Variants in ATAT1 observed in about 807,000 individuals in gnomAD.
The protein encoded by ATAT1 is alpha tubulin acetyltransferase 1.
Under a neutral mutation model 57.2 loss-of-function variants are expected in ATAT1, and 42 were observed. That is an observed-to-expected ratio of 0.73 (90% CI 0.57 to 0.95). ATAT1 has a LOEUF of 0.95. ATAT1 is among the 40% of genes least tolerant of loss of function. The probability of loss-of-function intolerance (pLI) is 0.00; values close to 1 mark genes in which losing one functional copy is unlikely to be tolerated. For synonymous variants in ATAT1, 168 were observed against 187.1 expected (o/e 0.90, Z 0.83); for missense variants, 454 against 523.7 (o/e 0.87, Z 1.30).
rs141961698 is a variant in ATAT1, at chr6:30,640,596, G to A, written c.609G>A (p.Thr203=). ...CTCGTGCTGCTGCAGTCGATCCCACGCCCGCTGGTAAAGCCTGTATTGAAG... is the reference window on the plus strand; with the variant it reads ...CTCGTGCTGCTGCAGTCGATCCCACACCCGCTGGTAAAGCCTGTATTGAAG... The change falls in exon 8 of 13, where the codon ACG becomes ACA. Residue 203 remains threonine (T), a synonymous_variant. Transcript: ENST00000330083. 4.3e-6 allele frequency: 7 copies of A among 1,612,684 alleles called. No individual in the cohort carries two copies. The highest frequency in any genetic ancestry group is 2.2e-5 in the East Asian group (1 of 44,884).
chr6:30,640,355 T>C (rs1765146706), intron 6 of ATAT1, 22 bp from the exon 7 acceptor site: 2 of 1,612,408 alleles, frequency 1.2e-6, no homozygotes, highest in Non-Finnish European at 1.7e-6. Flanking sequence ...CATGATTGTA[T>C]TTTGTTTGTT....
At chr6:30,638,745 G>C (rs1245441601) in intron 6 of ATAT1, among the ~76,000 whole-genome samples, 1 of 152,134 alleles carries the variant, frequency 6.6e-6, no homozygotes, top group Non-Finnish European at 1.5e-5. Context: ...TTGAGGCCCA[G>C]CCCTGCCACT....
At chr6:30,634,371 C>G (rs1193912058) in intron 6 of ATAT1, among the ~76,000 whole-genome samples, 1 of 151,896 alleles carries the variant, frequency 6.6e-6, no homozygotes, top group Non-Finnish European at 1.5e-5. Context: ...CTGCCTCAGC[C>G]TCCTGAGTAG....
chr6:30,643,703 T>C (rs1410584887), intron 10 of ATAT1: 5 of 1,469,224 alleles, frequency 3.4e-6, no homozygotes, highest in Non-Finnish European at 4.5e-6. Flanking sequence ...TCTACTTTCT[T>C]AGACAGCAGG....
Position 30,640,582 on chromosome 6 carries a change from G to A in ATAT1, c.595G>A (p.Ala199Thr), listed in dbSNP as rs1461387843. Residue 199 changes from alanine (A) to threonine (T), a missense_variant, in exon 8 of 13, where the codon GCA becomes ACA. Physicochemically the swap from Ala to Thr is moderately conservative, Grantham distance 58. Coordinates refer to ENST00000330083, the MANE Select transcript of ATAT1 (RefSeq NM_001031722.4). ...GGCAACTCGACACTCTCGTGCTGCT[G>A]CAGTCGATCCCACGCCCGCTGGTAA... is the stretch of plus-strand genomic sequence containing the variant. The A allele has an allele frequency of 3.7e-6, 6 of 1,612,838 alleles. No individual in the cohort carries two copies. The African/African-American group carries it at 6.7e-5, about 18-fold the overall frequency.
At chr6:30,645,600 T>A (rs1266038996) in intron 10 of ATAT1, among the ~76,000 whole-genome samples, 1 of 152,138 alleles carries the variant, frequency 6.6e-6, no homozygotes, top group African/African-American at 2.4e-5. Flanking sequence ...TGACCACATG[T>A]GAGTCTGTTC....
intron 5 of ATAT1, 51 bp downstream of exon 5, chr6:30,628,196 T>C: frequency 6.4e-7 from 1 of 1,560,780 alleles, no homozygotes; most frequent in Non-Finnish European, 8.8e-7. Flanking sequence ...TCCTTTGCCC[T>C]GAGCCCTTCC....
chr6:30,627,201 A>T lies in ATAT1; in HGVS notation c.-3A>T. 1 of 1,614,016 alleles carries T rather than the reference A, an allele frequency of 6.2e-7. No homozygotes were observed. ...CCCGGGCCCAAAATGTCCCAATCAA[A>T]GGATGTGGTTGACCTGGCCTTTCTG... On this transcript the variant is annotated 5_prime_UTR_variant, in exon 1 of 13. Transcript: ENST00000330083.
intron 6 of ATAT1, among the ~76,000 whole-genome samples, chr6:30,637,169 T>C (rs1764277587): frequency 6.6e-6 from 1 of 152,158 alleles, no homozygotes; most frequent in Non-Finnish European, 1.5e-5. Flanking sequence ...GTATAGAGTG[T>C]AAATAATAAT....
rs745999004 is a variant in ATAT1 at position 30,627,885 on chromosome 6, G to A, written c.259G>A (p.Val87Ile). Residue 87 changes from valine to isoleucine, a missense_variant, in exon 4 of 13, where the codon GTT becomes ATT. By Grantham distance (29) the Val-to-Ile change is conservative. This residue lies in a region of ATAT1 where 236 missense variants were observed against 284.5 expected (regional missense o/e 0.83). Coordinates refer to ENST00000330083, the MANE Select transcript of ATAT1 (RefSeq NM_001031722.4). ...AGGAGCCATTATTGGTTTCATCAAA[G>A]TTGGATACAAGAAGCTCTTTGTACT... 1.2e-6 allele frequency: 2 copies of A among 1,613,058 alleles called. No homozygotes were observed. Among genetic ancestry groups the A allele is most frequent in the East Asian group, 2.2e-5 (1 of 44,886 alleles).
At chr6:30,640,464 G>A (rs1231844788) in intron 7 of ATAT1, 42 bp downstream of exon 7, 1 of 1,612,708 alleles carries the variant, frequency 6.2e-7, no homozygotes, top group South Asian at 1.1e-5. Context: ...CGGGGTGAGG[G>A]AAAGGAAAGA....
chr6:30,634,614 T>C (rs1763622794), intron 6 of ATAT1, among the ~76,000 whole-genome samples: 1 of 148,456 alleles, frequency 6.7e-6, no homozygotes, highest in Non-Finnish European at 1.5e-5. Context: ...TCTGTCTTAC[T>C]TCTGACTTTA....
intron 9 of ATAT1, 115 bp downstream of exon 9, chr6:30,642,362 G>A: frequency 6.9e-7 from 1 of 1,449,578 alleles, no homozygotes; most frequent in Non-Finnish European, 9.5e-7. Context: ...GATTTCTTGG[G>A]CTGGGCATGG....
chr6:30,627,804 T>TG, intron 3 of ATAT1, 47 bp from the exon 4 acceptor site: 1 of 1,604,686 alleles, frequency 6.2e-7, no homozygotes, highest in Non-Finnish European at 8.5e-7. Context: ...GACTATCTCT[T>TG]GCAGATAGAT....
At chr6:30,627,554 G>T in intron 2 of ATAT1, 34 bp downstream of exon 2, 1 of 1,607,536 alleles carries the variant, frequency 6.2e-7, no homozygotes, top group East Asian at 2.2e-5. Context: ...GTAAAGGGAG[G>T]ACCTCTGTGG....
Position 30,646,644 on chromosome 6 carries a change from C to T in ATAT1, c.*1C>T, listed in dbSNP as rs1355296935. On this transcript the variant is annotated 3_prime_UTR_variant, in exon 13 of 13. Coordinates refer to ENST00000330083, the MANE Select transcript of ATAT1 (RefSeq NM_001031722.4). ...ACGTCGCAGCACCAGGCCTTGGTGA[C>T]CGCAGCCCCGTCAAACATCTTCAAA... 4 of 1,551,594 alleles carry T rather than the reference C, an allele frequency of 2.6e-6. No homozygotes were observed. Among genetic ancestry groups the T allele is most frequent in the African/African-American group, 2.7e-5 (2 of 73,164 alleles).
At chr6:30,633,335 A>G (rs1763326549) in intron 6 of ATAT1, among the ~76,000 whole-genome samples, 1 of 152,196 alleles carries the variant, frequency 6.6e-6, no homozygotes, top group Non-Finnish European at 1.5e-5. Context: ...AGGTTTGGGG[A>G]GGAGAGTTTT....
intron 10 of ATAT1, 66 bp from the exon 11 acceptor site, chr6:30,645,829 T>C (rs1359269033): frequency 8.4e-7 from 1 of 1,191,648 alleles, no homozygotes; most frequent in African/African-American, 1.6e-5. Context: ...TCTCCTCTGA[T>C]TCCTCCATAC....
chr6:30,637,300 C>G (rs1290501257), intron 6 of ATAT1, among the ~76,000 whole-genome samples: 4 of 152,036 alleles, frequency 2.6e-5, no homozygotes, highest in Admixed American at 2.6e-4. Flanking sequence ...AATGACTTAA[C>G]CAAATTCACA....
Sources: allele counts gnomAD v4.1 joint callset (sites outside exome capture counted in the v4.1 genomes callset), GRCh38; gene constraint gnomAD v4.1.1; regional missense constraint gnomAD v4.1.1; transcripts MANE v1.5; gene names NCBI Gene and HGNC (gene_info 2026-07-23, HGNC 2026-07-21).